The following COL4A6 variants were observed in gnomAD, a reference collection of about 807,000 sequenced individuals.
The protein encoded by COL4A6 is collagen type IV alpha 6 chain.
A neutral mutation model predicts 126.7 loss-of-function variants in COL4A6; 59 were observed. The observed-to-expected ratio is 0.47, with a 90% CI of 0.38 to 0.58. COL4A6 has a LOEUF of 0.58. COL4A6 is among the 20% of genes least tolerant of loss of function. The pLI is 0.00. For synonymous variants in COL4A6, 547 were observed against 496.6 expected, an observed-to-expected ratio of 1.10 and a Z score of -1.35; for missense variants, 1,285 against 1,337.3, an observed-to-expected ratio of 0.96 and a Z score of 0.61.
At chrX:108,383,525 A>G in intron 2 of COL4A6, 1 of 439,298 alleles carries the variant, frequency 2.3e-6, no homozygotes. Context: ...GTGTTTTTGC[A>G]TTCCTGTGGC....
chrX:108,202,828 A>G, intron 13 of COL4A6, 100 bp downstream of exon 13: 1 of 669,231 alleles, frequency 1.5e-6, no homozygotes, highest in East Asian at 3.2e-5. Flanking sequence ...GGCATTCTCT[A>G]CAATATCCAT....
rs1044717839 is a variant in COL4A6, at chrX:108,194,963, A to G, written c.948+119T>C. The G allele has an allele frequency of 3.5e-5, 20 of 564,093 alleles. No homozygotes were observed. The African/African-American group carries it at 3.7e-4, about 10-fold the overall frequency. The allele number at this position is 564,093 out of a possible 1,213,427, so 46.5% of individuals were successfully genotyped here. A position where few individuals can be genotyped will look rare whatever the true frequency, so the allele number is the denominator to read the frequency against. On this transcript the variant is annotated intron_variant, in intron 15 of 44. Coordinates refer to ENST00000334504, the MANE Select transcript of COL4A6 (RefSeq NM_033641.4). ...AGTGGCTAAGATTATACCAAAAAAA[A>G]GGGAGATGAACAATTTGCATTATAA...
chrX:108,217,838 G>A (rs1602840249), intron 5 of COL4A6, among the ~76,000 whole-genome samples: 1 of 111,899 alleles, frequency 8.9e-6, no homozygotes, highest in African/African-American at 3.3e-5. Context: ...ACAATTTTTG[G>A]TCAAGGAAAG....
intron 2 of COL4A6, among the ~76,000 whole-genome samples, chrX:108,390,862 G>A (rs777482384): frequency 3.6e-5 from 4 of 111,110 alleles, no homozygotes; most frequent in Admixed American, 2.9e-4. Context: ...CTCCATCTTC[G>A]TGGATTTGAT....
In COL4A6 at chrX:108,412,773, C is replaced by A. The variant is rs1035837962; in HGVS notation, c.63+25169G>T. ...AGGTACACACCTGCCAGCTGAACAA[C>A]CACTGCATAACAAAGGCATTTCCCT... is the stretch of plus-strand genomic sequence containing the variant. On this transcript the variant is annotated intron_variant, in intron 2 of 44. Coordinates refer to ENST00000334504, the MANE Select transcript of COL4A6 (RefSeq NM_033641.4). 2.7e-5 allele frequency among the ~76,000 whole-genome samples: 3 copies of A among 112,306 alleles called. No homozygotes were observed. In the Admixed American group the frequency reaches 2.8e-4, roughly 11 times the overall value.
At chrX:108,182,151 C>T (rs914891198) in intron 23 of COL4A6, among the ~76,000 whole-genome samples, 5 of 112,158 alleles carry the variant, frequency 4.5e-5, no homozygotes, top group African/African-American at 1.6e-4. Context: ...TAACCAGCTG[C>T]GTGGACAAGA....
At chrX:108,363,953 C>T (rs1032607990) in intron 2 of COL4A6, among the ~76,000 whole-genome samples, 30 of 110,901 alleles carry the variant, frequency 2.7e-4, no homozygotes, top group African/African-American at 9.2e-4. Flanking sequence ...TCATTGCAAA[C>T]CTCTGCCTTC....
At chrX:108,342,394 C>T (rs1027607310) in intron 2 of COL4A6, among the ~76,000 whole-genome samples, 2 of 111,539 alleles carry the variant, frequency 1.8e-5, no homozygotes, top group African/African-American at 6.5e-5. Context: ...CTAGTGTAGG[C>T]TAATAAATGA....
chrX:108,389,750 C>T (rs549889110), intron 2 of COL4A6, among the ~76,000 whole-genome samples: 2 of 111,100 alleles, frequency 1.8e-5, no homozygotes, highest in South Asian at 3.8e-4. Flanking sequence ...TATCATTATA[C>T]GTGAATTTGA....
At chrX:108,180,171 A>G (rs1454848107) in intron 25 of COL4A6, among the ~76,000 whole-genome samples, 1 of 111,322 alleles carries the variant, frequency 9.0e-6, no homozygotes, top group African/African-American at 3.3e-5. Context: ...GGAAACTCAT[A>G]GAACTGGCAG....
chrX:108,379,032 A>G (rs775860120), intron 2 of COL4A6, among the ~76,000 whole-genome samples: 2 of 112,303 alleles, frequency 1.8e-5, no homozygotes, highest in Non-Finnish European at 3.8e-5. Context: ...CATGGGACAC[A>G]GTCACCTATT....
chrX:108,332,829 T>TAAA (rs2039336532), intron 2 of COL4A6, among the ~76,000 whole-genome samples: 1 of 111,607 alleles, frequency 9.0e-6, no homozygotes, highest in Non-Finnish European at 1.9e-5. Context: ...GTGCAGAAGC[T>TAAA]TTTTAGTTGC....
intron 2 of COL4A6, among the ~76,000 whole-genome samples, chrX:108,433,919 T>G (rs1325791225): frequency 8.9e-6 from 1 of 111,998 alleles, no homozygotes; most frequent in Non-Finnish European, 1.9e-5. Context: ...GAGGCTGTGG[T>G]GTACCATAAT....
At chrX:108,424,281 A>G (rs1275270452) in intron 2 of COL4A6, among the ~76,000 whole-genome samples, 3 of 111,625 alleles carry the variant, frequency 2.7e-5, no homozygotes, top group African/African-American at 6.5e-5. Flanking sequence ...TTCCTCCTAC[A>G]TGTTTTAATT....
intron 2 of COL4A6, chrX:108,383,640 A>G: frequency 1.8e-6 from 1 of 543,774 alleles, no homozygotes; most frequent in Non-Finnish European, 3.2e-6. Flanking sequence ...ATGCTGACCA[A>G]TTTAAGGGGA....
chrX:108,219,503 C>T (rs772295709), intron 5 of COL4A6, among the ~76,000 whole-genome samples, 195 bp downstream of exon 5: 16 of 111,695 alleles, frequency 1.4e-4, no homozygotes, highest in South Asian at 7.6e-4. Context: ...TCCAATCATC[C>T]GACATAGGGC....
At chrX:108,298,256 C>T (rs2038382182) in intron 3 of COL4A6, among the ~76,000 whole-genome samples, 1 of 112,291 alleles carries the variant, frequency 8.9e-6, no homozygotes, top group African/African-American at 3.2e-5. Flanking sequence ...AGTTCCCAGG[C>T]TGCGTTTGTC....
intron 2 of COL4A6, among the ~76,000 whole-genome samples, chrX:108,354,366 C>T (rs922245029): frequency 9.0e-6 from 1 of 111,327 alleles, no homozygotes; most frequent in African/African-American, 3.3e-5. Flanking sequence ...TTCCATGGTG[C>T]TCAGTACATT....
chrX:108,388,127 A>G (rs954637913), intron 2 of COL4A6, among the ~76,000 whole-genome samples: 1 of 112,008 alleles, frequency 8.9e-6, no homozygotes, highest in Non-Finnish European at 1.9e-5. Flanking sequence ...CCAGTATCTT[A>G]TTGAGGATTT....
Sources: gnomAD v4.1 joint callset for allele counts (sites outside exome capture counted in the v4.1 genomes callset) on GRCh38, gnomAD v4.1.1 for gene constraint, MANE v1.5 for transcripts, NCBI Gene and HGNC (gene_info 2026-07-23, HGNC 2026-07-21) for gene names.